Variants in CCDC178 observed in about 807,000 individuals in gnomAD.
CCDC178 encodes coiled-coil domain containing 178, also known as coiled-coil domain-containing protein 178.
A neutral mutation model predicts 117.4 loss-of-function variants in CCDC178; 126 were observed. That is an observed-to-expected ratio of 1.07 (90% CI 0.93 to 1.24). The LOEUF is 1.24. Ranked by LOEUF, CCDC178 falls within the 50% of genes most tolerant of loss-of-function variation. CCDC178 has a pLI of 0.00. For synonymous variants in CCDC178, 283 were observed against 313.4 expected (o/e 0.90, Z 1.02); for missense variants, 1,030 against 986.9 (o/e 1.04, Z -0.59).
intron 2 of CCDC178, among the ~76,000 whole-genome samples, chr18:33,439,359 TGTGGATAAA>T (rs2064343397): frequency 6.6e-6 from 1 of 152,186 alleles, no homozygotes; most frequent in Admixed American, 6.5e-5. Context: ...AAGTCTGGGT[TGTGGATAAA>T]AGCTCTGGCA....
At chr18:33,377,599 T>TA (rs2144781243) in intron 5 of CCDC178, among the ~76,000 whole-genome samples, 1 of 152,308 alleles carries the variant, frequency 6.6e-6, no homozygotes, top group African/African-American at 2.4e-5. Flanking sequence ...TTTAAATCAT[T>TA]AGTCTATTTT....
intron 12 of CCDC178, among the ~76,000 whole-genome samples, chr18:33,283,623 A>G (rs563455783): frequency 3.3e-5 from 5 of 152,226 alleles, no homozygotes; most frequent in Non-Finnish European, 5.9e-5. Flanking sequence ...ACACTTTTTA[A>G]AAGCTTACAT....
chr18:33,383,416 C>T lies in CCDC178; in HGVS notation c.208+6124G>A, dbSNP rs1322656120. Among the ~76,000 whole-genome samples the T allele has an allele frequency of 2.0e-5, 3 of 152,140 alleles. No individual in the cohort carries two copies. In the East Asian group the frequency reaches 5.9e-4, roughly 30 times the overall value. Reference sequence around the variant, plus strand: ...GTTCCTTGACCCCCATGCCTCCTGACTGGGTGAGACCTCCCAACTAGGGTT... The same window carrying T: ...GTTCCTTGACCCCCATGCCTCCTGATTGGGTGAGACCTCCCAACTAGGGTT... On this transcript the variant is annotated intron_variant, in intron 5 of 22. Coordinates refer to ENST00000383096, the MANE Select transcript of CCDC178 (RefSeq NM_001105528.4).
intron 14 of CCDC178, among the ~76,000 whole-genome samples, chr18:33,263,928 A>T (rs896931573): frequency 2.0e-5 from 3 of 152,134 alleles, no homozygotes; most frequent in Non-Finnish European, 4.4e-5. Flanking sequence ...AAAATAGCCA[A>T]GAATACAAGT....
At chr18:33,020,628 T>C (rs12969106) in intron 21 of CCDC178, among the ~76,000 whole-genome samples, 1 of 152,128 alleles carries the variant, frequency 6.6e-6, no homozygotes, top group African/African-American at 2.4e-5. Flanking sequence ...ACAATGGGAA[T>C]GTTTTCAATT....
At chr18:33,126,243 T>C (rs775993415) in intron 20 of CCDC178, among the ~76,000 whole-genome samples, 6 of 151,376 alleles carry the variant, frequency 4.0e-5, no homozygotes, top group Non-Finnish European at 7.4e-5. Flanking sequence ...CGTATATATA[T>C]AGTATGTAGA....
chr18:33,384,306 G>A (rs2063470736), intron 5 of CCDC178, among the ~76,000 whole-genome samples: 1 of 152,102 alleles, frequency 6.6e-6, no homozygotes, highest in South Asian at 2.1e-4. Context: ...CACCATCCAG[G>A]AGAACTTCCC....
At chr18:33,431,098 T>A (rs2144968699) in intron 2 of CCDC178, among the ~76,000 whole-genome samples, 1 of 139,192 alleles carries the variant, frequency 7.2e-6, no homozygotes, top group African/African-American at 2.6e-5. Flanking sequence ...AAAAAGAACA[T>A]CAGCAACAAT....
chr18:33,067,696 A>T (rs1229211667), intron 21 of CCDC178, among the ~76,000 whole-genome samples: 1 of 152,056 alleles, frequency 6.6e-6, no homozygotes, highest in Non-Finnish European at 1.5e-5. Flanking sequence ...ATACAAAATT[A>T]GCCCGGCGTG....
At chr18:33,147,906 C>A (rs1195184815) in intron 20 of CCDC178, among the ~76,000 whole-genome samples, 1 of 152,050 alleles carries the variant, frequency 6.6e-6, no homozygotes, top group East Asian at 1.9e-4. Flanking sequence ...GGGTGGCTGC[C>A]GGGCAGAGGG....
chr18:33,293,327 A>T lies in CCDC178; in HGVS notation c.1023-15T>A, dbSNP rs1404078178. 3 of 1,439,514 alleles carry T rather than the reference A, an allele frequency of 2.1e-6. No homozygotes were observed. Among genetic ancestry groups the T allele is most frequent in the South Asian group, 2.6e-5 (2 of 77,670 alleles). The allele number at this position is 1,439,514 out of a possible 1,614,324, so 89.2% of individuals were successfully genotyped here. A position where few individuals can be genotyped will look rare whatever the true frequency, so the allele number is the denominator to read the frequency against. On this transcript the variant is annotated splice_polypyrimidine_tract_variant and intron_variant, in intron 11 of 22. Coordinates refer to ENST00000383096, the MANE Select transcript of CCDC178 (RefSeq NM_001105528.4). ...ATATCTCTCTCCTAGGGATAAAAACACAGTTTATTTTATTCACATTAAAAG... is the reference window on the plus strand; with the variant it reads ...ATATCTCTCTCCTAGGGATAAAAACTCAGTTTATTTTATTCACATTAAAAG...
At chr18:32,969,514 C>A (rs554827669) in intron 22 of CCDC178, among the ~76,000 whole-genome samples, 2 of 152,144 alleles carry the variant, frequency 1.3e-5, no homozygotes, top group South Asian at 4.1e-4. Context: ...GCTTCTAGAG[C>A]TCAACAAACT....
In CCDC178 at chr18:33,277,850, G is replaced by A. The variant is rs1374111510; in HGVS notation, c.1177-10553C>T. Among the ~76,000 whole-genome samples, 5 of 151,912 alleles carry A rather than the reference G, an allele frequency of 3.3e-5. No homozygotes were observed. The East Asian group carries it at 5.8e-4, about 18-fold the overall frequency. ...ATCCAGGATAATCTCCCAATCTAAC[G>A]GCACTGATTATAAACACAATTACAT... On this transcript the variant is annotated intron_variant, in intron 12 of 22. Transcript: ENST00000383096.
At chr18:33,068,681 AG>A (rs2144988690) in intron 21 of CCDC178, among the ~76,000 whole-genome samples, 1 of 152,280 alleles carries the variant, frequency 6.6e-6, no homozygotes, top group African/African-American at 2.4e-5. Context: ...AACATAATAA[AG>A]ACCATATATG....
chr18:33,368,977 A>T (rs1220257711), intron 6 of CCDC178, among the ~76,000 whole-genome samples: 1 of 151,928 alleles, frequency 6.6e-6, no homozygotes, highest in Non-Finnish European at 1.5e-5. Context: ...GGTAATTGTT[A>T]ATTAAAACTC....
chr18:33,342,789 G>A lies in CCDC178; in HGVS notation c.658+3422C>T, dbSNP rs2062833188. ...AATGCTTATTGTTGTAAGCCACTGA[G>A]TTCCAAGGTGGTTGTTACAAAGCAC... On this transcript the variant is annotated intron_variant, in intron 9 of 22. Coordinates refer to ENST00000383096, the MANE Select transcript of CCDC178 (RefSeq NM_001105528.4). Among the ~76,000 whole-genome samples the A allele has an allele frequency of 3.9e-5, 6 of 152,298 alleles. No homozygotes were observed. The South Asian group carries it at 6.2e-4, about 16-fold the overall frequency.
chr18:33,061,668 T>C (rs944536294), intron 21 of CCDC178, among the ~76,000 whole-genome samples: 2 of 152,322 alleles, frequency 1.3e-5, no homozygotes, highest in Non-Finnish European at 2.9e-5. Flanking sequence ...AGCTACATCT[T>C]CACACATTGG....
At chr18:33,187,574 C>G (rs900372769) in intron 20 of CCDC178, among the ~76,000 whole-genome samples, 4 of 151,908 alleles carry the variant, frequency 2.6e-5, no homozygotes, top group African/African-American at 9.7e-5. Flanking sequence ...AAGTATGCAC[C>G]ACATACATCA....
chr18:33,161,612 A>G (rs1207939525), intron 20 of CCDC178, among the ~76,000 whole-genome samples: 1 of 152,174 alleles, frequency 6.6e-6, no homozygotes, highest in Non-Finnish European at 1.5e-5. Context: ...TCTTATTTAA[A>G]GAGCAGAGGT....
Sources: gnomAD v4.1 joint callset for allele counts (sites outside exome capture counted in the v4.1 genomes callset) on GRCh38, gnomAD v4.1.1 for gene constraint, MANE v1.5 for transcripts, NCBI Gene and HGNC (gene_info 2026-07-23, HGNC 2026-07-21) for gene names.